Variants in ZNF665 observed in about 807,000 individuals in gnomAD.
The protein encoded by ZNF665 is zinc finger protein 665.
In ZNF665, 6 loss-of-function variants were observed where a neutral mutation model predicts 7.9. That is an observed-to-expected ratio of 0.76 (90% CI 0.42 to 1.50). The LOEUF (loss-of-function observed/expected upper bound fraction) is 1.50. Among genes scored for constraint, ZNF665 ranks in the 40% most tolerant of loss-of-function variants. The pLI is 0.01. For synonymous variants in ZNF665, 242 were observed against 274.5 expected (o/e 0.88, Z 1.17); for missense variants, 819 against 806.7 (o/e 1.02, Z -0.18).
rs527451676 is a variant in ZNF665 at position 53,165,307 on chromosome 19, T to A, written c.1183A>T (p.Ile395Phe). 11 of 1,613,388 alleles carry A rather than the reference T, an allele frequency of 6.8e-6. No individual in the cohort carries two copies. The Admixed American group carries it at 1.7e-4, about 24-fold the overall frequency. Residue 395 changes from isoleucine to phenylalanine, a missense_variant, in exon 4 of 4, where the codon ATC becomes TTC. Ile to Phe is a conservative substitution (Grantham distance 21). Coordinates refer to ENST00000396424, the MANE Select transcript of ZNF665 (RefSeq NM_024733.5). Reference sequence around the variant, plus strand: ...TTGAAAGGCTTTTCTCCGGTATGGATGATCTGATGCTTAGTTAAGTTTGAA... The same window carrying A: ...TTGAAAGGCTTTTCTCCGGTATGGAAGATCTGATGCTTAGTTAAGTTTGAA... ...MHSNLTKHQI[I>F]HTGEKPFKCN...
chr19:53,179,828 T>C (rs1599880995), intron 2 of ZNF665: 1 of 152,194 alleles, frequency 6.6e-6, no homozygotes, highest in Non-Finnish European at 1.5e-5. Context: ...ACTATCTTCA[T>C]GCAGACAGTG....
chr19:53,166,440 T>C (rs183070959), intron 3 of ZNF665, 93 bp from the exon 4 acceptor site: 2 of 1,155,944 alleles, frequency 1.7e-6, no homozygotes, highest in Non-Finnish European at 2.4e-6. Context: ...CCAAAAGTAA[T>C]AGTTATGTTG....
At position 53,167,532 on chromosome 19, in the gene ZNF665, C is replaced by T. The variant is rs551793104; in HGVS notation, c.143-1185G>A. Among the ~76,000 whole-genome samples, 56 of 150,714 alleles carry T rather than the reference C, an allele frequency of 3.7e-4. 1 individual carries two copies. In the South Asian group the frequency reaches 5.7e-3, roughly 15 times the overall value. ...CGCGATCTCGGCTCACTGCAAGCTC[C>T]GCCTCCCGGGTTCCCGCCATTCTCC... On this transcript the variant is annotated intron_variant, in intron 3 of 3. Coordinates refer to ENST00000396424, the MANE Select transcript of ZNF665 (RefSeq NM_024733.5).
chr19:53,192,995 G>A (rs1343994898), intron 1 of ZNF665, among the ~76,000 whole-genome samples: 3 of 152,154 alleles, frequency 2.0e-5, no homozygotes, highest in African/African-American at 7.2e-5. Context: ...CGAGGTTAGG[G>A]GACGGTAAAA....
chr19:53,164,065 G>T lies in ZNF665; in HGVS notation c.*388C>A, dbSNP rs1033240101. On this transcript the variant is annotated 3_prime_UTR_variant, in exon 4 of 4. Transcript: ENST00000396424. ...ACTGTATTTGTAAGAATTGTCTCAAGAATGAATTCTCTGATGTTGTGAAAG... is the reference window on the plus strand; with the variant it reads ...ACTGTATTTGTAAGAATTGTCTCAATAATGAATTCTCTGATGTTGTGAAAG... The T allele has an allele frequency of 6.3e-6, 1 of 157,590 alleles. No individual in the cohort carries two copies. The highest frequency in any genetic ancestry group is 1.4e-5 in the Non-Finnish European group (1 of 71,870). 9.8% of individuals were successfully genotyped at this position (157,590 alleles called of 1,614,324 possible).
chr19:53,164,547 T>C lies in ZNF665; in HGVS notation c.1943A>G (p.His648Arg), dbSNP rs2090589157. 2 of 1,614,002 alleles carry C rather than the reference T, an allele frequency of 1.2e-6. No individual in the cohort carries two copies. Among genetic ancestry groups the C allele is most frequent in the African/African-American group, 2.7e-5 (2 of 74,938 alleles). The change falls in exon 4 of 4, where the codon CAT (histidine) becomes CGT (arginine). Residue 648 changes from histidine to arginine, a missense_variant. By Grantham distance (29) the His-to-Arg change is conservative. Coordinates refer to ENST00000396424, the MANE Select transcript of ZNF665 (RefSeq NM_024733.5). The part of the protein sequence containing the change: ...RSTLTTHMAV[H>R]TGDKPYKCNQ... ...ACATTTGTAAGGTTTGTCTCCAGTA[T>C]GGACTGCCATATGGGTAGTTAGGGT... is the stretch of plus-strand genomic sequence containing the variant.
At position 53,171,524 on chromosome 19, in the gene ZNF665, A is replaced by ATATATATATTT. The variant is rs372855271; in HGVS notation, c.142+3920_142+3921insAAATATATATA. Among the ~76,000 whole-genome samples, 437 of 69,302 alleles carry ATATATATATTT rather than the reference A, an allele frequency of 6.3e-3. 7 individuals are homozygous for ATATATATATTT. Among genetic ancestry groups the ATATATATATTT allele is most frequent in the East Asian group, 0.019 (30 of 1,540 alleles). The allele number at this position is 69,302 out of a possible 152,430, so 45.5% of individuals were successfully genotyped here. A position where few individuals can be genotyped will look rare whatever the true frequency, so the allele number is the denominator to read the frequency against. The stretch of plus-strand genomic sequence containing the variant: ...TGTGTGTATATATATATATATATAT[A>ATATATATATTT]TTTTTTTTTTTTTTTTCTTTTTTTA... On this transcript the variant is annotated intron_variant, in intron 3 of 3. Coordinates refer to ENST00000396424, the MANE Select transcript of ZNF665 (RefSeq NM_024733.5).
rs764332142 is a variant in ZNF665, at chr19:53,162,624, G to A, written c.*1829C>T. ...AATCCCAGCACTTTGGCAGGCCAAG[G>A]TGGGCGGATTATGAGGTCAGGAGTT... On this transcript the variant is annotated 3_prime_UTR_variant, in exon 4 of 4. Transcript: ENST00000396424. 2.0e-5 allele frequency: 3 copies of A among 152,088 alleles called. No homozygotes were observed. The highest frequency in any genetic ancestry group is 2.9e-5 in the Non-Finnish European group (2 of 67,986). 9.4% of individuals were successfully genotyped at this position (152,088 alleles called of 1,614,324 possible).
At chr19:53,179,588 C>T (rs2090723360) in intron 2 of ZNF665, 1 of 151,904 alleles carries the variant, frequency 6.6e-6, no homozygotes, top group African/African-American at 2.4e-5. Flanking sequence ...AGCTCTGCGC[C>T]CCTTTCCCCA....
Position 53,164,490 on chromosome 19 carries a change from G to A in ZNF665, c.2000C>T (p.Ser667Leu). The change falls in exon 4 of 4, where the codon TCA (serine) becomes TTA (leucine). Residue 667 changes from serine to leucine, a missense_variant. Transcript: ENST00000396424. ...NQCGKVFTQNSNLAKHRRIHS... is the reference protein window; with the variant it reads ...NQCGKVFTQNLNLAKHRRIHS... ...AATTCTTCGATGTTTTGCAAGGTTTGAATTTTGAGTAAAGACCTTGCCACA... is the reference window on the plus strand; with the variant it reads ...AATTCTTCGATGTTTTGCAAGGTTTAAATTTTGAGTAAAGACCTTGCCACA... The A allele has an allele frequency of 6.2e-7, 1 of 1,604,068 alleles. No individual in the cohort carries two copies. Among genetic ancestry groups the A allele is most frequent in the Non-Finnish European group, 8.5e-7 (1 of 1,175,818 alleles).
Position 53,171,527 on chromosome 19 carries a change from T to A in ZNF665, c.142+3918A>T, listed in dbSNP as rs1399998699. Among the ~76,000 whole-genome samples the A allele has an allele frequency of 4.5e-3, 583 of 130,738 alleles. 2 individuals carry two copies. Among genetic ancestry groups the A allele is most frequent in the African/African-American group, 0.01 (366 of 36,250 alleles). The allele number at this position is 130,738 out of a possible 152,430, so 85.8% of individuals were successfully genotyped here. On this transcript the variant is annotated intron_variant, in intron 3 of 3. Coordinates refer to ENST00000396424, the MANE Select transcript of ZNF665 (RefSeq NM_024733.5). ...GTGTATATATATATATATATATATT[T>A]TTTTTTTTTTTTTCTTTTTTTAGAC... is the stretch of plus-strand genomic sequence containing the variant.
At chr19:53,175,068 T>A (rs745377847) in intron 3 of ZNF665, among the ~76,000 whole-genome samples, 17 of 152,118 alleles carry the variant, frequency 1.1e-4, no homozygotes, top group Non-Finnish European at 2.1e-4. Context: ...TAGACGGATT[T>A]GGAAAAACAT....
In ZNF665 at chr19:53,175,405, C is replaced by G. The variant is rs79131937; in HGVS notation, c.142+40G>C. ...TCACAAGGGAAAATGAAAACATACA[C>G]GAGAACAGACCCTGACTTCTAAAAG... On this transcript the variant is annotated intron_variant, in intron 3 of 3. Transcript: ENST00000396424. The G allele has an allele frequency of 6.7e-5, 107 of 1,591,992 alleles. 2 individuals carry two copies. In the South Asian group the frequency reaches 1.0e-3, roughly 16 times the overall value.
chr19:53,165,975 T>C lies in ZNF665; in HGVS notation c.515A>G (p.Asn172Ser). ...ACATTTATAATGTTTTCCTCGATTA[T>C]TAGGAGACTTCTCAACTTGATTGTA... ...YEYNQVEKSPNNRGKHYKCDE... is the reference protein window; with the variant it reads ...YEYNQVEKSPSNRGKHYKCDE... Residue 172 changes from asparagine to serine, a missense_variant, in exon 4 of 4, where the codon AAT becomes AGT. Coordinates refer to ENST00000396424, the MANE Select transcript of ZNF665 (RefSeq NM_024733.5). 1 of 1,613,838 alleles carries C rather than the reference T, an allele frequency of 6.2e-7. No individual in the cohort carries two copies. Among genetic ancestry groups the C allele is most frequent in the Non-Finnish European group, 8.5e-7 (1 of 1,179,768 alleles).
intron 2 of ZNF665, among the ~76,000 whole-genome samples, chr19:53,178,986 A>G (rs2090717451): frequency 6.6e-6 from 1 of 152,224 alleles, no homozygotes; most frequent in Non-Finnish European, 1.5e-5. Context: ...CTTATAGAAA[A>G]AAGCACATGT....
Position 53,166,201 on chromosome 19 carries a change from C to T in ZNF665, c.289G>A (p.Asp97Asn), listed in dbSNP as rs753439552. ...TCATCTTTCCACTGACACTCAAAGT[C>T]GTATGTATTTTTCTGAACTTCCTGG... ...SFQEVQKNTY[D>N]FECQWKDDEG... Residue 97 changes from aspartate to asparagine, a missense_variant, in exon 4 of 4, where the codon GAC becomes AAC. Physicochemically the swap from Asp to Asn is conservative, Grantham distance 23. Coordinates refer to ENST00000396424, the MANE Select transcript of ZNF665 (RefSeq NM_024733.5). 5.0e-6 allele frequency: 8 copies of T among 1,613,798 alleles called. No individual in the cohort carries two copies. Among genetic ancestry groups the T allele is most frequent in the African/African-American group, 1.3e-5 (1 of 74,904 alleles).
At chr19:53,168,120 C>A (rs2090632181) in intron 3 of ZNF665, among the ~76,000 whole-genome samples, 1 of 131,998 alleles carries the variant, frequency 7.6e-6, no homozygotes. Flanking sequence ...ACTTCAGAAC[C>A]AGCACAGGAT....
At position 53,185,098 on chromosome 19, in the gene ZNF665, T is replaced by C. The variant is rs553658100; in HGVS notation, c.-45-2155A>G. Among the ~76,000 whole-genome samples, 186 of 152,080 alleles carry C rather than the reference T, an allele frequency of 1.2e-3. 7 individuals are homozygous for C. The South Asian group carries it at 0.037, about 30-fold the overall frequency. ...AAGCACAGCATCACAGGGAGACGGTTAGGCCTCCGGATAACTGCGGGCGAG... is the reference window on the plus strand; with the variant it reads ...AAGCACAGCATCACAGGGAGACGGTCAGGCCTCCGGATAACTGCGGGCGAG... On this transcript the variant is annotated intron_variant, in intron 1 of 3. Transcript: ENST00000396424.
chr19:53,165,818 A>G lies in ZNF665; in HGVS notation c.672T>C (p.His224=), dbSNP rs935983913. 7 of 1,613,928 alleles carry G rather than the reference A, an allele frequency of 4.3e-6. No individual in the cohort carries two copies. In the African/African-American group the frequency reaches 9.3e-5, roughly 22 times the overall value. Residue 224 remains histidine (H), a synonymous_variant, in exon 4 of 4, where the codon CAT becomes CAC. Transcript: ENST00000396424. ...GTTTTTCTCCAGTATGGATGACCTGATGGATTGTTAGGTTTGAACGAACAG... is the reference window on the plus strand; with the variant it reads ...GTTTTTCTCCAGTATGGATGACCTGGTGGATTGTTAGGTTTGAACGAACAG... ...AFTVRSNLTI[H]QVIHTGEKPY...
Sources: gnomAD v4.1 joint callset for allele counts (sites outside exome capture counted in the v4.1 genomes callset) on GRCh38, gnomAD v4.1.1 for gene constraint, MANE v1.5 for transcripts, NCBI Gene and HGNC (gene_info 2026-07-23, HGNC 2026-07-21) for gene names.